INTS9: variants seen among roughly 807,000 people sequenced by gnomAD.
The protein encoded by INTS9 is integrator complex subunit 9, also known as protein related to CPSF subunits of 74 kDa.
A neutral mutation model predicts 79.7 loss-of-function variants in INTS9; 55 were observed. That is an observed-to-expected ratio of 0.69 (90% confidence interval 0.56 to 0.86). The LOEUF (loss-of-function observed/expected upper bound fraction) is 0.86, where lower values mean the gene tolerates loss of function less well. Ranked by LOEUF, INTS9 falls within the 40% of genes least tolerant of loss-of-function variation. INTS9 has a pLI of 0.00. For synonymous variants in INTS9, 319 were observed against 325.2 expected (o/e 0.98, Z 0.20); for missense variants, 721 against 831.5 (o/e 0.87, Z 1.64).
chr8:28,806,505 A>G (rs1024455497), intron 8 of INTS9, among the ~76,000 whole-genome samples: 10 of 152,124 alleles, frequency 6.6e-5, no homozygotes, highest in African/African-American at 2.2e-4. Context: ...AAGCAAAGAT[A>G]TAAGACTTGA....
At chr8:28,827,704 G>T (rs551557560) in intron 6 of INTS9, among the ~76,000 whole-genome samples, 28 of 152,166 alleles carry the variant, frequency 1.8e-4, no homozygotes, top group African/African-American at 6.5e-4. Flanking sequence ...TCAAATTATT[G>T]CTTAAAAAAA....
rs1305952738 is a variant in INTS9 at position 28,846,665 on chromosome 8, C to T, written c.261+82G>A. 1.4e-5 allele frequency: 14 copies of T among 1,030,336 alleles called. No homozygotes were observed. The Middle Eastern group carries it at 8.3e-4, about 61-fold the overall frequency. 63.8% of individuals were successfully genotyped at this position (1,030,336 alleles called of 1,614,324 possible). Reference sequence around the variant, plus strand: ...TAAACTTGAAAACAGGAAGCTAAGCCTCTTAAAATTATTTCTTGACTTCAT... The same window carrying T: ...TAAACTTGAAAACAGGAAGCTAAGCTTCTTAAAATTATTTCTTGACTTCAT... On this transcript the variant is annotated intron_variant, in intron 4 of 16. Coordinates refer to ENST00000521022, the MANE Select transcript of INTS9 (RefSeq NM_018250.4).
At chr8:28,874,292 T>G (rs1470256827) in intron 1 of INTS9, among the ~76,000 whole-genome samples, 1 of 151,800 alleles carries the variant, frequency 6.6e-6, no homozygotes, top group African/African-American at 2.4e-5. Context: ...TTAAACTGTT[T>G]TTTTTTTTTT....
At chr8:28,805,951 A>G (rs1206027532) in intron 8 of INTS9, among the ~76,000 whole-genome samples, 2 of 152,096 alleles carry the variant, frequency 1.3e-5, no homozygotes, top group Non-Finnish European at 2.9e-5. Context: ...AATCCCGGCC[A>G]AGCACGGTGG....
At chr8:28,846,692 T>C in intron 4 of INTS9, 55 bp downstream of exon 4, 1 of 1,288,016 alleles carries the variant, frequency 7.8e-7, no homozygotes, top group Non-Finnish European at 1.1e-6. Context: ...TGACTTCATT[T>C]TGAGCAATTA....
intron 1 of INTS9, among the ~76,000 whole-genome samples, chr8:28,867,820 A>G (rs1002116734): frequency 1.1e-4 from 16 of 151,874 alleles, no homozygotes; most frequent in Admixed American, 9.2e-4. Context: ...TTATTATGCT[A>G]TGGTGTTTAT....
At chr8:28,779,485 C>T (rs892277524) in intron 12 of INTS9, among the ~76,000 whole-genome samples, 1 of 152,190 alleles carries the variant, frequency 6.6e-6, no homozygotes, top group East Asian at 1.9e-4. Context: ...CCTCTGTAAT[C>T]ATCCTGAACA....
intron 8 of INTS9, among the ~76,000 whole-genome samples, chr8:28,811,672 C>T (rs367805245): frequency 2.9e-4 from 44 of 152,222 alleles, no homozygotes; most frequent in East Asian, 2.5e-3. Context: ...TATCCCATTT[C>T]GGCCTCCCAA....
At chr8:28,798,895 T>G (rs1030081235) in intron 8 of INTS9, among the ~76,000 whole-genome samples, 13 of 152,186 alleles carry the variant, frequency 8.5e-5, no homozygotes, top group Non-Finnish European at 1.9e-4. Context: ...AACTCTGACA[T>G]TTGAGGCTGC....
At chr8:28,795,973 AAAG>A (rs1227664432) in intron 9 of INTS9, among the ~76,000 whole-genome samples, 2 of 152,222 alleles carry the variant, frequency 1.3e-5, no homozygotes, top group African/African-American at 4.8e-5. Flanking sequence ...CCTTTCCTCA[AAAG>A]AAGAAAAAAT....
At chr8:28,889,552 C>A (rs1234283288) in intron 1 of INTS9, among the ~76,000 whole-genome samples, 2 of 152,130 alleles carry the variant, frequency 1.3e-5, no homozygotes, top group African/African-American at 4.8e-5. Context: ...CTATTATAAC[C>A]CTCACGTGGG....
At chr8:28,815,409 C>T (rs1563270352) in intron 6 of INTS9, among the ~76,000 whole-genome samples, 1 of 152,086 alleles carries the variant, frequency 6.6e-6, no homozygotes, top group Non-Finnish European at 1.5e-5. Context: ...TAAAAGAAAA[C>T]ATCATTTTGG....
chr8:28,847,697 C>T (rs766203499), intron 3 of INTS9, among the ~76,000 whole-genome samples: 4 of 152,186 alleles, frequency 2.6e-5, no homozygotes, highest in Non-Finnish European at 5.9e-5. Flanking sequence ...TGTCTTTCCC[C>T]CACAGGCTGA....
At chr8:28,869,287 C>T (rs182324916) in intron 1 of INTS9, among the ~76,000 whole-genome samples, 81 of 152,306 alleles carry the variant, frequency 5.3e-4, no homozygotes, top group Admixed American at 1.0e-3. Context: ...AGCAAGTGAT[C>T]TGCCAGCCTT....
chr8:28,870,183 A>G (rs1809001960), intron 1 of INTS9, among the ~76,000 whole-genome samples: 1 of 152,110 alleles, frequency 6.6e-6, no homozygotes, highest in South Asian at 2.1e-4. Flanking sequence ...ATATGTATGT[A>G]TAAAAGACTG....
intron 1 of INTS9, among the ~76,000 whole-genome samples, chr8:28,884,217 G>A (rs562525377): frequency 1.4e-3 from 127 of 92,854 alleles, no homozygotes; most frequent in African/African-American, 4.9e-3. Context: ...ACAGGGCCTT[G>A]TTCTGTCACT....
intron 13 of INTS9, among the ~76,000 whole-genome samples, chr8:28,777,337 G>A (rs762739441): frequency 1.3e-5 from 2 of 151,914 alleles, no homozygotes; most frequent in African/African-American, 2.4e-5. Flanking sequence ...CCTGCTACGC[G>A]CGCCTCCTGG....
chr8:28,859,097 TA>T (rs1203488267), intron 2 of INTS9, among the ~76,000 whole-genome samples: 1 of 152,090 alleles, frequency 6.6e-6, no homozygotes. Flanking sequence ...GGCTGCTAAA[TA>T]ATTCTAAAAT....
At position 28,793,899 on chromosome 8, in the gene INTS9, GTACTGATA is replaced by G; in HGVS notation, c.937_944del (p.Tyr313HisfsTer30). 1 of 1,614,090 alleles carries G rather than the reference GTACTGATA, an allele frequency of 6.2e-7. No individual in the cohort carries two copies. The highest frequency in any genetic ancestry group is 8.5e-7 in the Non-Finnish European group (1 of 1,179,982). ...CGCTGGAAAGCCCGGCTGAGTCGAT[GTACTGATA>G]TAGGCACTCCAGGAGGTCATAGATC... On this transcript the variant is annotated frameshift_variant, in exon 10 of 17. Transcript: ENST00000521022. LOFTEE classifies it high-confidence loss of function.
Sources: gnomAD v4.1 joint callset for allele counts (sites outside exome capture counted in the v4.1 genomes callset) on GRCh38, gnomAD v4.1.1 for gene constraint, MANE v1.5 for transcripts, NCBI Gene and HGNC (gene_info 2026-07-23, HGNC 2026-07-21) for gene names.